The following CSNK1G1 variants were observed in gnomAD, a reference collection of about 807,000 sequenced individuals.
CSNK1G1 encodes the protein casein kinase I isoform gamma-1.
In CSNK1G1, 22 loss-of-function variants were observed where a neutral mutation model predicts 59.6. The observed-to-expected ratio is 0.37, with a 90% confidence interval of 0.26 to 0.53. CSNK1G1 has a LOEUF of 0.53. CSNK1G1 is among the 20% of genes least tolerant of loss of function. The pLI is 0.89. For synonymous variants in CSNK1G1, 179 were observed against 177.1 expected (o/e 1.01, Z -0.08); for missense variants, 384 against 519.5 (o/e 0.74, Z 2.54).
intron 2 of CSNK1G1, among the ~76,000 whole-genome samples, chr15:64,293,907 C>T (rs1479138562): frequency 1.3e-5 from 2 of 151,722 alleles, no homozygotes; most frequent in East Asian, 1.9e-4. Context: ...GTCCCTGGTG[C>T]CAAAAAAGTT....
Position 64,210,701 on chromosome 15 carries a change from C to CT in CSNK1G1, c.680-3108dup, listed in dbSNP as rs2082239052. ...CAACCATTAAATAATATAAATTGGG[C>CT]TTCTCAGTAAAAGCTTAATCAGTGG... On this transcript the variant is annotated intron_variant, in intron 6 of 11. Transcript: ENST00000303052. This position sits in a 1 kb window ranked among gnomAD's most constrained non-coding sequence, Gnocchi z 4.2. Among the ~76,000 whole-genome samples, 1 of 152,144 alleles carries CT rather than the reference C, an allele frequency of 6.6e-6. No individual in the cohort carries two copies. Among genetic ancestry groups the CT allele is most frequent in the Non-Finnish European group, 1.5e-5 (1 of 68,018 alleles).
chr15:64,347,304 A>G (rs1020347056), intron 1 of CSNK1G1, among the ~76,000 whole-genome samples: 1 of 152,232 alleles, frequency 6.6e-6, no homozygotes, highest in Non-Finnish European at 1.5e-5. Flanking sequence ...GTATTTACTC[A>G]AAAGAGCTGA....
At chr15:64,304,967 G>C (rs1895587716) in intron 1 of CSNK1G1, among the ~76,000 whole-genome samples, 1 of 152,052 alleles carries the variant, frequency 6.6e-6, no homozygotes, top group Non-Finnish European at 1.5e-5. Flanking sequence ...GCTGTTTCTT[G>C]GTCACAAGTT....
intron 2 of CSNK1G1, among the ~76,000 whole-genome samples, chr15:64,299,268 C>G (rs555541606): frequency 6.6e-6 from 1 of 152,170 alleles, no homozygotes; most frequent in East Asian, 1.9e-4. Flanking sequence ...TTTTCTCTAT[C>G]CCACTCATCA....
rs1055462565 is a variant in CSNK1G1, at chr15:64,214,607, A to G, written c.445-483T>C. Among the ~76,000 whole-genome samples, 4 of 152,188 alleles carry G rather than the reference A, an allele frequency of 2.6e-5. No homozygotes were observed. The highest frequency in any genetic ancestry group is 7.2e-5 in the African/African-American group (3 of 41,442). On this transcript the variant is annotated intron_variant, in intron 5 of 11. Coordinates refer to ENST00000303052, the MANE Select transcript of CSNK1G1 (RefSeq NM_022048.5). The surrounding 1 kb of genome is among the most constrained non-coding windows in gnomAD (Gnocchi z 4.3). Reference sequence around the variant, plus strand: ...GATGTTGTGAGGCCCAGAGAAGTTAATACTGGCCTGACATCACATAGCTAA... The same window carrying G: ...GATGTTGTGAGGCCCAGAGAAGTTAGTACTGGCCTGACATCACATAGCTAA...
chr15:64,269,192 T>A (rs2140345904), intron 2 of CSNK1G1, among the ~76,000 whole-genome samples: 1 of 152,328 alleles, frequency 6.6e-6, no homozygotes, highest in South Asian at 2.1e-4. Flanking sequence ...GTGATGTTTT[T>A]GTGATCAGAA....
chr15:64,327,370 AC>A (rs1486185353), intron 1 of CSNK1G1, among the ~76,000 whole-genome samples: 1 of 149,892 alleles, frequency 6.7e-6, no homozygotes, highest in Non-Finnish European at 1.5e-5. Context: ...CTGACCCCTG[AC>A]CCCCGAGCAG....
chr15:64,281,101 G>A (rs551972846), intron 2 of CSNK1G1, among the ~76,000 whole-genome samples: 9 of 151,686 alleles, frequency 5.9e-5, no homozygotes, highest in South Asian at 2.1e-4. Flanking sequence ...GGATGGTCTC[G>A]ATCTCCTGAC....
At chr15:64,209,648 A>G (rs1362193637) in intron 6 of CSNK1G1, among the ~76,000 whole-genome samples, 1 of 152,186 alleles carries the variant, frequency 6.6e-6, no homozygotes, top group Non-Finnish European at 1.5e-5. Flanking sequence ...TAAAATATTC[A>G]TAATTGAAAA....
intron 1 of CSNK1G1, among the ~76,000 whole-genome samples, chr15:64,352,688 G>A (rs1198009705): frequency 1.3e-5 from 2 of 150,520 alleles, no homozygotes; most frequent in Admixed American, 6.6e-5. Flanking sequence ...CAGGTGATCC[G>A]CCCACCTCGG....
intron 10 of CSNK1G1, chr15:64,181,408 ACTCT>A: frequency 6.5e-7 from 1 of 1,531,882 alleles, no homozygotes; most frequent in Non-Finnish European, 8.7e-7. Context: ...TGGACAAAAC[ACTCT>A]GCTTGTTAAA....
At chr15:64,215,881 G>T (rs2082305769) in intron 5 of CSNK1G1, among the ~76,000 whole-genome samples, 1 of 152,056 alleles carries the variant, frequency 6.6e-6, no homozygotes, top group Non-Finnish European at 1.5e-5. Flanking sequence ...ATCTTTTCTT[G>T]GTTGCAACAG....
chr15:64,205,064 GA>G (rs2082159233), intron 7 of CSNK1G1, 115 bp from the exon 8 acceptor site: 2 of 577,762 alleles, frequency 3.5e-6, no homozygotes, highest in Admixed American at 7.4e-5. Context: ...TGTTGGTCTT[GA>G]TTTTTTTTCT....
intron 1 of CSNK1G1, among the ~76,000 whole-genome samples, chr15:64,321,681 A>G (rs1896573436): frequency 6.6e-6 from 1 of 152,246 alleles, no homozygotes; most frequent in African/African-American, 2.4e-5. Context: ...GCTGCTTCTG[A>G]TATTGTACTC....
chr15:64,172,290 C>T (rs1215111243), intron 11 of CSNK1G1, among the ~76,000 whole-genome samples: 2 of 152,182 alleles, frequency 1.3e-5, no homozygotes, highest in African/African-American at 4.8e-5. Flanking sequence ...TAGCACCCAA[C>T]CCAGATGCCT....
intron 1 of CSNK1G1, among the ~76,000 whole-genome samples, chr15:64,339,546 CA>C (rs942087384): frequency 1.3e-5 from 2 of 152,146 alleles, no homozygotes; most frequent in Non-Finnish European, 2.9e-5. Flanking sequence ...CTCCTGACCT[CA>C]GGTGATCCAC....
chr15:64,299,725 T>C (rs965309333), intron 2 of CSNK1G1, among the ~76,000 whole-genome samples: 5 of 152,118 alleles, frequency 3.3e-5, no homozygotes, highest in Admixed American at 6.5e-5. Flanking sequence ...AGAAAATCCA[T>C]TGCCTTAGTT....
intron 2 of CSNK1G1, among the ~76,000 whole-genome samples, chr15:64,282,721 G>A (rs552441067): frequency 6.6e-6 from 1 of 152,260 alleles, no homozygotes; most frequent in African/African-American, 2.4e-5. Flanking sequence ...GCCACTTTTT[G>A]AGAAATTGTC....
At chr15:64,201,396 A>G (rs1468376972) in intron 10 of CSNK1G1, among the ~76,000 whole-genome samples, 1 of 152,080 alleles carries the variant, frequency 6.6e-6, no homozygotes, top group African/African-American at 2.4e-5. Context: ...TGCACTAGCT[A>G]TTAGCTTTTA....
Sources: gnomAD v4.1 joint callset for allele counts (sites outside exome capture counted in the v4.1 genomes callset) on GRCh38, gnomAD v4.1.1 for gene constraint, Gnocchi (gnomAD v3.1) non-coding constraint, MANE v1.5 for transcripts, NCBI Gene and HGNC (gene_info 2026-07-23, HGNC 2026-07-21) for gene names.